SCMH1: variants seen among roughly 807,000 people sequenced by gnomAD.
SCMH1 encodes Scm polycomb group protein homolog 1.
In SCMH1, 37 loss-of-function variants were observed where a neutral mutation model predicts 70.8. The ratio of observed to expected loss-of-function variants is 0.52; its 90% confidence interval spans 0.40 to 0.69. The LOEUF (loss-of-function observed/expected upper bound fraction) is 0.69. Among genes scored for constraint, SCMH1 ranks in the 30% least tolerant of loss-of-function variants. The pLI is 0.00. For synonymous variants in SCMH1, 292 were observed against 307.4 expected (o/e 0.95, Z 0.52); for missense variants, 607 against 827.3 (o/e 0.73, Z 3.27).
chr1:41,032,444 T>C (rs1644658786), intron 13 of SCMH1, among the ~76,000 whole-genome samples: 1 of 152,060 alleles, frequency 6.6e-6, no homozygotes, highest in Non-Finnish European at 1.5e-5. Flanking sequence ...ACAAAGTGAA[T>C]GAGGGAGAAA....
At chr1:41,125,247 G>T (rs1253135813) in intron 6 of SCMH1, among the ~76,000 whole-genome samples, 1 of 151,832 alleles carries the variant, frequency 6.6e-6, no homozygotes, top group Non-Finnish European at 1.5e-5. Flanking sequence ...ACAGGGTTTT[G>T]CTTTGTCCCC....
At chr1:41,241,412 G>A (rs930271890) in intron 1 of SCMH1, among the ~76,000 whole-genome samples, 2 of 152,190 alleles carry the variant, frequency 1.3e-5, no homozygotes, top group African/African-American at 4.8e-5. Flanking sequence ...GCGGGGCACT[G>A]GGGCAGGCGG....
At chr1:41,049,534 G>C (rs1647252945) in intron 10 of SCMH1, among the ~76,000 whole-genome samples, 1 of 151,870 alleles carries the variant, frequency 6.6e-6, no homozygotes, top group Admixed American at 6.6e-5. Flanking sequence ...CACTTTGGGA[G>C]GCTGAGGCAG....
At chr1:41,029,046 G>A (rs1476102354) in intron 13 of SCMH1, among the ~76,000 whole-genome samples, 1 of 152,128 alleles carries the variant, frequency 6.6e-6, no homozygotes, top group African/African-American at 2.4e-5. Context: ...CCTGGTGAGT[G>A]GGGCTGTTTT....
intron 1 of SCMH1, among the ~76,000 whole-genome samples, chr1:41,210,675 ATCCCT>A (rs1268716023): frequency 2.0e-5 from 3 of 152,186 alleles, no homozygotes; most frequent in Non-Finnish European, 4.4e-5. Context: ...CTGAAACTGG[ATCCCT>A]TCTTTACACC....
Position 41,072,954 on chromosome 1 carries a change from C to T in SCMH1, c.979-2233G>A, listed in dbSNP as rs2300651. Among the ~76,000 whole-genome samples the T allele has an allele frequency of 1.6e-4, 25 of 151,944 alleles. No individual in the cohort carries two copies. In the East Asian group the frequency reaches 2.7e-3, roughly 16 times the overall value. ...ACTTGTAGGGGTAGGCAAAAGAGCACGAAGGAGAATTAAGAGTATCAAATG... is the reference window on the plus strand; with the variant it reads ...ACTTGTAGGGGTAGGCAAAAGAGCATGAAGGAGAATTAAGAGTATCAAATG... On this transcript the variant is annotated intron_variant, in intron 9 of 14. Transcript: ENST00000337495.
intron 5 of SCMH1, among the ~76,000 whole-genome samples, chr1:41,150,724 CAGG>C (rs1644995207): frequency 1.3e-5 from 2 of 151,740 alleles, no homozygotes; most frequent in Non-Finnish European, 2.9e-5. Flanking sequence ...ATCATGAGGT[CAGG>C]AGATCGAGAC....
intron 12 of SCMH1, among the ~76,000 whole-genome samples, chr1:41,039,135 C>T (rs921332958): frequency 1.3e-5 from 2 of 152,230 alleles, no homozygotes; most frequent in African/African-American, 4.8e-5. Context: ...TAACCTCACT[C>T]TTCTAGTTCT....
chr1:41,238,238 C>T (rs1662791065), intron 1 of SCMH1, among the ~76,000 whole-genome samples: 1 of 152,172 alleles, frequency 6.6e-6, no homozygotes, highest in Non-Finnish European at 1.5e-5. Context: ...TACCCACCCA[C>T]TAATGATCAT....
At position 41,101,464 on chromosome 1, in the gene SCMH1, A is replaced by T. The variant is rs566978641; in HGVS notation, c.745+11819T>A. The stretch of plus-strand genomic sequence containing the variant: ...AAATAACTGATTCTTAACCAATGTA[A>T]CTTTTAGATGGGAGAGAAATGGTAA... On this transcript the variant is annotated intron_variant, in intron 8 of 14. Coordinates refer to ENST00000337495, the Ensembl canonical transcript of SCMH1. Among the ~76,000 whole-genome samples, 223 of 152,314 alleles carry T rather than the reference A, an allele frequency of 1.5e-3. 2 individuals are homozygous for T. Among genetic ancestry groups the T allele is most frequent in the African/African-American group, 5.2e-3 (216 of 41,556 alleles).
chr1:41,210,414 A>C (rs1309395559), intron 1 of SCMH1, among the ~76,000 whole-genome samples: 1 of 152,186 alleles, frequency 6.6e-6, no homozygotes, highest in African/African-American at 2.4e-5. Context: ...AATCCTAAGC[A>C]AAAAGAACAA....
intron 5 of SCMH1, among the ~76,000 whole-genome samples, chr1:41,150,602 T>C (rs1215981956): frequency 6.6e-6 from 1 of 152,116 alleles, no homozygotes; most frequent in Non-Finnish European, 1.5e-5. Flanking sequence ...TTATTTCAAA[T>C]GAGCAGAAGT....
chr1:41,157,045 C>A (rs1267032775), intron 4 of SCMH1, among the ~76,000 whole-genome samples: 2 of 148,756 alleles, frequency 1.3e-5, no homozygotes, highest in African/African-American at 2.5e-5. Context: ...TAACCCCGAT[C>A]TGGACTCAAG....
intron 1 of SCMH1, among the ~76,000 whole-genome samples, chr1:41,191,129 C>T (rs1651624545): frequency 6.6e-6 from 1 of 152,212 alleles, no homozygotes; most frequent in African/African-American, 2.4e-5. Flanking sequence ...CCTGTCTTGG[C>T]CTCCCAAAGT....
At chr1:41,058,378 G>GTTTTTTGTT (rs1651276480) in intron 10 of SCMH1, among the ~76,000 whole-genome samples, 1 of 81,640 alleles carries the variant, frequency 1.2e-5, no homozygotes, top group Admixed American at 2.0e-4. Flanking sequence ...TTTCTTTCTT[G>GTTTTTTGTT]TTTTTTTTTT....
At chr1:41,175,983 A>G (rs1348594720) in intron 2 of SCMH1, among the ~76,000 whole-genome samples, 1 of 151,772 alleles carries the variant, frequency 6.6e-6, no homozygotes, top group Non-Finnish European at 1.5e-5. Flanking sequence ...TATTCCATTT[A>G]TATACTAGTT....
At chr1:41,084,895 C>T (rs1345995224) in intron 8 of SCMH1, among the ~76,000 whole-genome samples, 3 of 146,734 alleles carry the variant, frequency 2.0e-5, no homozygotes, top group Non-Finnish European at 3.0e-5. Context: ...CCAAACACTG[C>T]ATATTCTCAC....
intron 8 of SCMH1, among the ~76,000 whole-genome samples, chr1:41,101,330 A>G (rs1213695830): frequency 6.6e-6 from 1 of 152,216 alleles, no homozygotes; most frequent in Non-Finnish European, 1.5e-5. Flanking sequence ...GATGGTTTCA[A>G]GATGAGTCTT....
At chr1:41,065,637 T>C (rs1322821835) in intron 10 of SCMH1, among the ~76,000 whole-genome samples, 1 of 152,136 alleles carries the variant, frequency 6.6e-6, no homozygotes, top group African/African-American at 2.4e-5. Flanking sequence ...TGGAACAGAA[T>C]AGAGAGCCCA....
Sources: gnomAD v4.1 joint callset for allele counts (sites outside exome capture counted in the v4.1 genomes callset) on GRCh38, gnomAD v4.1.1 for gene constraint, MANE v1.5 for transcripts, NCBI Gene and HGNC (gene_info 2026-07-23, HGNC 2026-07-21) for gene names.